INTS6: variants seen among roughly 807,000 people sequenced by gnomAD.
INTS6 encodes the protein DEAD box protein.
A neutral mutation model predicts 104.9 loss-of-function variants in INTS6; 16 were observed. That is an observed-to-expected ratio of 0.15 (90% CI 0.10 to 0.23). INTS6 has a LOEUF of 0.23. Among genes scored for constraint, INTS6 ranks in the 10% least tolerant of loss-of-function variants. The probability of loss-of-function intolerance (pLI) is 1.00; values close to 1 mark genes in which losing one functional copy is unlikely to be tolerated. For synonymous variants in INTS6, 324 were observed against 358.7 expected, an observed-to-expected ratio of 0.90 and a Z score of 1.09; for missense variants, 584 against 1,062.8, an observed-to-expected ratio of 0.55 and a Z score of 6.26.
chr13:51,380,151 CTAT>C (rs1956018305), intron 10 of INTS6, among the ~76,000 whole-genome samples: 2 of 151,700 alleles, frequency 1.3e-5, no homozygotes, highest in South Asian at 2.1e-4. Context: ...TTAATCATTA[CTAT>C]TATTATCATA....
At position 51,452,239 on chromosome 13, in the gene INTS6, C is replaced by T. The variant is rs1415983066; in HGVS notation, c.111+176G>A. ...ACACCGCCCGGGGCCGGAGCCCGGG[C>T]CCCGGCCGAACCCGGCTCGCAGCGC... On this transcript the variant is annotated intron_variant, in intron 1 of 17. Coordinates refer to ENST00000311234, the MANE Select transcript of INTS6 (RefSeq NM_012141.3). This position sits in a 1 kb window ranked among gnomAD's most constrained non-coding sequence, Gnocchi z 4.2. The T allele has an allele frequency of 2.9e-6, 2 of 686,088 alleles. No individual in the cohort carries two copies. The highest frequency in any genetic ancestry group is 1.9e-5 in the African/African-American group (1 of 52,430). 42.5% of individuals were successfully genotyped at this position (686,088 alleles called of 1,614,324 possible). A position where few individuals can be genotyped will look rare whatever the true frequency, so the allele number is the denominator to read the frequency against.
At chr13:51,341,332 G>T in the INTS6 span, 2 of 1,601,662 alleles carry the variant, frequency 1.2e-6, no homozygotes, top group Non-Finnish European at 1.7e-6. Flanking sequence ...AGATGCCCTG[G>T]GGTACACTGT....
chr13:51,344,115 G>A, the INTS6 span: 1 of 670,044 alleles, frequency 1.5e-6, no homozygotes, highest in Non-Finnish European at 2.6e-6. Context: ...TTTCAAACTG[G>A]CTTTGTATGG....
Position 51,382,139 on chromosome 13 carries a change from G to A in INTS6, c.1181-16C>T. On this transcript the variant is annotated splice_polypyrimidine_tract_variant and intron_variant, in intron 9 of 17. Transcript: ENST00000311234. ...AACAAGTCATCTAGAAACGTATAATGTGAACAAACTATCACTACTCATTAT... is the reference window on the plus strand; with the variant it reads ...AACAAGTCATCTAGAAACGTATAATATGAACAAACTATCACTACTCATTAT... 1 of 1,504,608 alleles carries A rather than the reference G, an allele frequency of 6.6e-7. No homozygotes were observed. The highest frequency in any genetic ancestry group is 1.1e-5 in the South Asian group (1 of 87,406). The allele number at this position is 1,504,608 out of a possible 1,614,324, so 93.2% of individuals were successfully genotyped here.
downstream of INTS6, among the ~76,000 whole-genome samples, chr13:51,358,243 G>C (rs1382414741): frequency 6.6e-6 from 1 of 152,008 alleles, no homozygotes; most frequent in Non-Finnish European, 1.5e-5. Context: ...AGCAAGTTCT[G>C]GCAATAACAT....
intron 12 of INTS6, 133 bp from the exon 13 acceptor site, chr13:51,376,307 CAT>C (rs1955929866): frequency 1.5e-6 from 1 of 661,330 alleles, no homozygotes; most frequent in Non-Finnish European, 2.3e-6. Flanking sequence ...AAAATAAAGA[CAT>C]ATGATATAAT....
chr13:51,357,705 T>G (rs1955502626), downstream of INTS6, among the ~76,000 whole-genome samples: 1 of 152,020 alleles, frequency 6.6e-6, no homozygotes, highest in Non-Finnish European at 1.5e-5. Flanking sequence ...TTATGCAGCT[T>G]TTAAGAGTAA....
At chr13:51,379,398 G>A in intron 11 of INTS6, 64 bp downstream of exon 11, 1 of 858,854 alleles carries the variant, frequency 1.2e-6, no homozygotes, top group Non-Finnish European at 1.8e-6. Flanking sequence ...CTTTTAACCT[G>A]TTTAACCATC....
At position 51,367,791 on chromosome 13, in the gene INTS6, AAT is replaced by A; in HGVS notation, c.2570+12_2570+13del. ...ATTTCATCACCATTTCATTATATGC[AAT>A]AGTTTATTTACCTTGATGCTTCTTT... On this transcript the variant is annotated intron_variant, in intron 17 of 17. Coordinates refer to ENST00000311234, the MANE Select transcript of INTS6 (RefSeq NM_012141.3). 7.2e-7 allele frequency: 1 copy of A among 1,390,948 alleles called. No homozygotes were observed. Among genetic ancestry groups the A allele is most frequent in the Non-Finnish European group, 1.0e-6 (1 of 989,798 alleles). 86.2% of individuals were successfully genotyped at this position (1,390,948 alleles called of 1,614,324 possible).
intron 3 of INTS6, chr13:51,447,424 A>G (rs1348138489): frequency 1.8e-4 from 28 of 152,230 alleles, no homozygotes; most frequent in Non-Finnish European, 7.3e-5. Flanking sequence ...AAATTGGTTA[A>G]AATTCTTTTC....
At chr13:51,369,437 A>C in intron 15 of INTS6, 127 bp from the exon 16 acceptor site, 3 of 908,284 alleles carry the variant, frequency 3.3e-6, no homozygotes, top group Non-Finnish European at 4.9e-6. Context: ...TTAACAAATA[A>C]TGTGATATAG....
intron 17 of INTS6, among the ~76,000 whole-genome samples, chr13:51,366,880 A>G (rs1566202797): frequency 1.3e-5 from 2 of 152,038 alleles, no homozygotes; most frequent in Non-Finnish European, 1.5e-5. Flanking sequence ...ATAAGCCCCA[A>G]GTTTTCTTAT....
At chr13:51,444,091 GT>G (rs150394469) in intron 3 of INTS6, 3,552 of 152,290 alleles carry the variant, frequency 0.023, 57 homozygotes, top group South Asian at 0.059. Context: ...TTTTTGTTTT[GT>G]TTTGTTTTTT....
the INTS6 span, among the ~76,000 whole-genome samples, chr13:51,342,662 C>T: frequency 3.9e-4 from 59 of 152,204 alleles, no homozygotes; most frequent in Admixed American, 2.0e-3. Context: ...AATGTGGGTC[C>T]CCTGGCCCAG....
At chr13:51,441,016 C>G (rs1235306949) in intron 3 of INTS6, 1 of 152,184 alleles carries the variant, frequency 6.6e-6, no homozygotes, top group Non-Finnish European at 1.5e-5. Context: ...GAGCCCCTAC[C>G]ATATGCCAGG....
chr13:51,426,541 CCTTCCCCTG>C (rs763464268), intron 4 of INTS6, among the ~76,000 whole-genome samples: 5 of 151,774 alleles, frequency 3.3e-5, no homozygotes, highest in Non-Finnish European at 7.4e-5. Flanking sequence ...TAATATTAAC[CCTTCCCCTG>C]CTTTAGTACT....
In INTS6 at chr13:51,376,213, C is replaced by T. The variant is rs368661962; in HGVS notation, c.1603-39G>A. 5.2e-5 allele frequency: 81 copies of T among 1,544,016 alleles called. No homozygotes were observed. The African/African-American group carries it at 1.0e-3, about 20-fold the overall frequency. ...TTCGAGGACAAAATTTATTGTCAAA[C>T]ATAGAATTACAAGAGACTAAAATCT... is the stretch of plus-strand genomic sequence containing the variant. On this transcript the variant is annotated intron_variant, in intron 12 of 17. Coordinates refer to ENST00000311234, the MANE Select transcript of INTS6 (RefSeq NM_012141.3).
chr13:51,433,319 T>C (rs1388649081), intron 3 of INTS6, among the ~76,000 whole-genome samples: 1 of 152,192 alleles, frequency 6.6e-6, no homozygotes, highest in East Asian at 1.9e-4. Flanking sequence ...TGGTGGCACA[T>C]GCCTGTAGTG....
chr13:51,344,651 C>T, the INTS6 span, among the ~76,000 whole-genome samples: 1 of 152,088 alleles, frequency 6.6e-6, no homozygotes, highest in Non-Finnish European at 1.5e-5. Context: ...ACACTAAGTC[C>T]CTTTCTGCCT....
Sources: allele counts gnomAD v4.1 joint callset (sites outside exome capture counted in the v4.1 genomes callset), GRCh38; gene constraint gnomAD v4.1.1; non-coding constraint Gnocchi (gnomAD v3.1); transcripts MANE v1.5; gene names NCBI Gene and HGNC (gene_info 2026-07-23, HGNC 2026-07-21).